Variants in GPHN observed in about 807,000 individuals in gnomAD.
The protein encoded by GPHN is gephyrin.
In GPHN, 17 loss-of-function variants were observed where a neutral mutation model predicts 95.5. That is an observed-to-expected ratio of 0.18 (90% CI 0.12 to 0.27). GPHN has a LOEUF of 0.27. Among genes scored for constraint, GPHN ranks in the 10% least tolerant of loss-of-function variants. GPHN has a pLI of 1.00. For synonymous variants in GPHN, 320 were observed against 322.5 expected, an observed-to-expected ratio of 0.99 and a Z score of 0.08; for missense variants, 660 against 978.1, an observed-to-expected ratio of 0.67 and a Z score of 4.34.
chr14:67,639,244 T>C, the GPHN span, among the ~76,000 whole-genome samples: 16 of 152,214 alleles, frequency 1.1e-4, no homozygotes, highest in Non-Finnish European at 2.1e-4. Context: ...TGAGTCTACA[T>C]CCTGGTTTGC....
chr14:67,205,604 G>A, the GPHN span, among the ~76,000 whole-genome samples: 2 of 152,210 alleles, frequency 1.3e-5, no homozygotes, highest in Non-Finnish European at 2.9e-5. Context: ...GAAAAGGCCA[G>A]AGAGTGGAAA....
chr14:67,534,015 A>G, the GPHN span, among the ~76,000 whole-genome samples: 16 of 152,066 alleles, frequency 1.1e-4, no homozygotes, highest in South Asian at 1.5e-3. Flanking sequence ...GCTTGCCAGG[A>G]TATCTCCTCC....
chr14:66,777,658 G>T (rs1261965823), intron 3 of GPHN, among the ~76,000 whole-genome samples: 1 of 152,150 alleles, frequency 6.6e-6, no homozygotes, highest in Non-Finnish European at 1.5e-5. Flanking sequence ...GGGATGCAAG[G>T]CTGGTTCAAT....
At chr14:67,581,055 G>T in the GPHN span, 1 of 1,529,350 alleles carries the variant, frequency 6.5e-7, no homozygotes, top group Non-Finnish European at 9.1e-7. Context: ...AGCACTGCAC[G>T]AGGGTGGGGC....
At chr14:66,536,242 C>T (rs1045487680) in intron 1 of GPHN, among the ~76,000 whole-genome samples, 5 of 152,120 alleles carry the variant, frequency 3.3e-5, no homozygotes, top group Admixed American at 6.6e-5. Flanking sequence ...TGAGCCACTG[C>T]GCCCAGTCTG....
intron 2 of GPHN, among the ~76,000 whole-genome samples, chr14:66,694,954 T>C (rs2068017721): frequency 6.6e-6 from 1 of 152,150 alleles, no homozygotes; most frequent in Non-Finnish European, 1.5e-5. Flanking sequence ...GGTCAGGAGT[T>C]CATGACCAAG....
the GPHN span, chr14:67,569,971 T>A: frequency 6.2e-7 from 1 of 1,609,400 alleles, no homozygotes; most frequent in Non-Finnish European, 8.5e-7. Context: ...TGGCCTGGTC[T>A]ACAAGAATGT....
intron 1 of GPHN, among the ~76,000 whole-genome samples, chr14:66,597,723 C>T (rs987568387): frequency 6.6e-6 from 1 of 152,174 alleles, no homozygotes; most frequent in Non-Finnish European, 1.5e-5. Context: ...CCACCTGTTC[C>T]TGGCTCTTGC....
At chr14:66,828,839 A>G (rs548457848) in intron 4 of GPHN, among the ~76,000 whole-genome samples, 1 of 152,114 alleles carries the variant, frequency 6.6e-6, no homozygotes, top group South Asian at 2.1e-4. Flanking sequence ...TCTTTATTAT[A>G]TATTTTATAG....
At chr14:67,532,807 C>A in the GPHN span, among the ~76,000 whole-genome samples, 4 of 152,238 alleles carry the variant, frequency 2.6e-5, no homozygotes, top group Non-Finnish European at 5.9e-5. Context: ...AATATCCAGA[C>A]GTTACAGTTC....
chr14:66,767,767 T>C (rs536409168), intron 2 of GPHN, among the ~76,000 whole-genome samples: 42 of 151,978 alleles, frequency 2.8e-4, no homozygotes, highest in Non-Finnish European at 4.4e-4. Flanking sequence ...TTAAATAGCA[T>C]ACATTTATAA....
At chr14:66,933,788 A>T (rs2066952458) in intron 8 of GPHN, among the ~76,000 whole-genome samples, 1 of 152,108 alleles carries the variant, frequency 6.6e-6, no homozygotes, top group Non-Finnish European at 1.5e-5. Flanking sequence ...GGTACCAAAC[A>T]CTATCCTCAC....
chr14:67,144,341 A>G (rs2080771225), intron 18 of GPHN, among the ~76,000 whole-genome samples: 1 of 145,638 alleles, frequency 6.9e-6, no homozygotes, highest in Non-Finnish European at 1.5e-5. Context: ...TAGATGGTAT[A>G]TACTTGTTCC....
At chr14:66,823,987 T>C (rs777081489) in intron 3 of GPHN, among the ~76,000 whole-genome samples, 1 of 152,160 alleles carries the variant, frequency 6.6e-6, no homozygotes, top group Non-Finnish European at 1.5e-5. Flanking sequence ...CAGATGGAGA[T>C]CCTAGTTTCA....
the GPHN span, among the ~76,000 whole-genome samples, chr14:67,626,874 A>G: frequency 1.3e-5 from 2 of 152,214 alleles, no homozygotes; most frequent in Non-Finnish European, 2.9e-5. Context: ...CATATAATGG[A>G]GTATTATTCA....
the GPHN span, among the ~76,000 whole-genome samples, chr14:67,527,189 T>TA: frequency 3.3e-5 from 5 of 152,128 alleles, no homozygotes; most frequent in African/African-American, 1.2e-4. Context: ...GCGTGGTCTT[T>TA]AGAGTCAGGC....
At chr14:67,426,072 C>T in the GPHN span, among the ~76,000 whole-genome samples, 1 of 151,932 alleles carries the variant, frequency 6.6e-6, no homozygotes, top group Non-Finnish European at 1.5e-5. Flanking sequence ...ACCGGCTTAT[C>T]CTGCCTGAAA....
intron 3 of GPHN, among the ~76,000 whole-genome samples, chr14:66,813,438 A>C (rs1321663808): frequency 6.6e-6 from 1 of 152,170 alleles, no homozygotes; most frequent in African/African-American, 2.4e-5. Context: ...CGCTGCATGG[A>C]CTTTTGTGCA....
the GPHN span, chr14:67,575,369 G>A: frequency 1.4e-6 from 2 of 1,474,284 alleles, no homozygotes. Context: ...TTCTCATAAT[G>A]CCAGTTCATT....
Sources: gnomAD v4.1 joint callset for allele counts (sites outside exome capture counted in the v4.1 genomes callset) on GRCh38, gnomAD v4.1.1 for gene constraint, MANE v1.5 for transcripts, NCBI Gene and HGNC (gene_info 2026-07-23, HGNC 2026-07-21) for gene names.